PLPP3: variants seen among roughly 807,000 people sequenced by gnomAD.
PLPP3 encodes the protein phospholipid phosphatase 3.
In PLPP3, 6 loss-of-function variants were observed where a neutral mutation model predicts 29.6. The ratio of observed to expected loss-of-function variants is 0.20; its 90% CI spans 0.11 to 0.40. The LOEUF (loss-of-function observed/expected upper bound fraction) is 0.40. PLPP3 is among the 10% of genes least tolerant of loss of function. PLPP3 has a pLI of 1.00. For missense variants in PLPP3, 308 were observed against 407.7 expected, an observed-to-expected ratio of 0.76 and a Z score of 2.11; for synonymous variants, 152 against 159.7, an observed-to-expected ratio of 0.95 and a Z score of 0.36.
intron 1 of PLPP3, among the ~76,000 whole-genome samples, chr1:56,547,200 C>A (rs1646011695): frequency 6.6e-6 from 1 of 152,172 alleles, no homozygotes; most frequent in African/African-American, 2.4e-5. Flanking sequence ...AAATCTCCTG[C>A]ACTAGCTAAG....
chr1:56,533,202 A>G (rs2017953), intron 2 of PLPP3, among the ~76,000 whole-genome samples: 143,622 of 152,098 alleles, frequency 0.94, 68,378 homozygotes, highest in East Asian at 1. Flanking sequence ...TTACAGGCAC[A>G]TGCCACCAAG....
intron 1 of PLPP3, among the ~76,000 whole-genome samples, chr1:56,564,444 T>C (rs530754687): frequency 3.3e-5 from 5 of 152,198 alleles, no homozygotes; most frequent in Non-Finnish European, 5.9e-5. Context: ...AAAGAATATA[T>C]AAATTCAAAC....
chr1:56,498,434 G>A (rs1365550044), intron 5 of PLPP3, among the ~76,000 whole-genome samples: 1 of 151,184 alleles, frequency 6.6e-6, no homozygotes, highest in Non-Finnish European at 1.5e-5. Flanking sequence ...ACTCTTCTCC[G>A]CCCCAGGCCC....
intron 1 of PLPP3, among the ~76,000 whole-genome samples, chr1:56,547,620 G>C (rs1287266861): frequency 6.6e-6 from 1 of 152,122 alleles, no homozygotes; most frequent in Non-Finnish European, 1.5e-5. Flanking sequence ...GATACTATTA[G>C]AAAATACACT....
At position 56,579,258 on chromosome 1, in the gene PLPP3, T is replaced by G; in HGVS notation, c.-242A>C. The G allele has an allele frequency of 4.1e-6, 2 of 484,910 alleles. No homozygotes were observed. Among genetic ancestry groups the G allele is most frequent in the Admixed American group, 4.6e-5 (1 of 21,914 alleles). The allele number at this position is 484,910 out of a possible 1,614,324, so 30.0% of individuals were successfully genotyped here. A position where few individuals can be genotyped will look rare whatever the true frequency, so the allele number is the denominator to read the frequency against. The stretch of plus-strand genomic sequence containing the variant: ...CTGTCAACCCTAAATCGTTCTAAAG[T>G]CCAAGGGGAAGAGAGCCAGATCCCG... On this transcript the variant is annotated 5_prime_UTR_variant, in exon 1 of 6. Transcript: ENST00000371250.
At chr1:56,529,800 G>C (rs1645875684) in intron 2 of PLPP3, among the ~76,000 whole-genome samples, 1 of 152,110 alleles carries the variant, frequency 6.6e-6, no homozygotes, top group South Asian at 2.1e-4. Flanking sequence ...AGGTAATGAA[G>C]ACATAGATCT....
At chr1:56,527,399 CTT>C (rs1321293489) in intron 2 of PLPP3, among the ~76,000 whole-genome samples, 3 of 152,166 alleles carry the variant, frequency 2.0e-5, no homozygotes, top group Non-Finnish European at 2.9e-5. Flanking sequence ...GAGACAGTGA[CTT>C]TTCTGAAGGA....
intron 1 of PLPP3, among the ~76,000 whole-genome samples, chr1:56,573,574 C>A (rs961108031): frequency 2.6e-4 from 39 of 152,278 alleles, no homozygotes; most frequent in African/African-American, 9.4e-4. Context: ...AATCCCAGGT[C>A]CTGGCTCAAA....
At chr1:56,571,267 C>G (rs1646196265) in intron 1 of PLPP3, among the ~76,000 whole-genome samples, 1 of 152,208 alleles carries the variant, frequency 6.6e-6, no homozygotes, top group South Asian at 2.1e-4. Flanking sequence ...CAGCAACTAC[C>G]TCTTGAGTGT....
chr1:56,547,493 AT>A (rs1439895578), intron 1 of PLPP3, among the ~76,000 whole-genome samples: 4 of 152,162 alleles, frequency 2.6e-5, no homozygotes, highest in African/African-American at 9.7e-5. Context: ...AGAGTAGACA[AT>A]TCCATCAGGA....
chr1:56,532,151 C>T lies in PLPP3; in HGVS notation c.297+4804G>A, dbSNP rs79461639. On this transcript the variant is annotated intron_variant, in intron 2 of 5. Transcript: ENST00000371250. ...GGAACAGATGAAAATTTAGTGCACT[C>T]TCCATGCCTGTGTTGTTAAATCACA... is the stretch of plus-strand genomic sequence containing the variant. Among the ~76,000 whole-genome samples, 29 of 152,290 alleles carry T rather than the reference C, an allele frequency of 1.9e-4. No homozygotes were observed. In the East Asian group the frequency reaches 5.6e-3, roughly 29 times the overall value.
chr1:56,540,170 T>C (rs1050340400), intron 1 of PLPP3, among the ~76,000 whole-genome samples: 6 of 152,186 alleles, frequency 3.9e-5, no homozygotes, highest in Non-Finnish European at 4.4e-5. Flanking sequence ...ATCTGTTTAA[T>C]GGGAAGAATG....
Position 56,496,426 on chromosome 1 carries a change from TCC to T in PLPP3, c.*123_*124del. The T allele has an allele frequency of 2.7e-5, 34 of 1,242,416 alleles. No individual in the cohort carries two copies. The highest frequency in any genetic ancestry group is 4.7e-5 in the Admixed American group (2 of 42,290). 77.0% of individuals were successfully genotyped at this position (1,242,416 alleles called of 1,614,324 possible). A position where few individuals can be genotyped will look rare whatever the true frequency, so the allele number is the denominator to read the frequency against. ...GCCACATAGTAAAACATTTTTTTTT[TCC>T]TTTTTAAAAATCAGTCGGGCAAAAG... On this transcript the variant is annotated 3_prime_UTR_variant, in exon 6 of 6. Coordinates refer to ENST00000371250, the MANE Select transcript of PLPP3 (RefSeq NM_003713.5).
At chr1:56,572,445 C>T (rs1209497826) in intron 1 of PLPP3, among the ~76,000 whole-genome samples, 1 of 152,148 alleles carries the variant, frequency 6.6e-6, no homozygotes, top group African/African-American at 2.4e-5. Context: ...TGTCTAAATT[C>T]TCTCCCACCC....
At chr1:56,562,036 C>CAAAA (rs71048439) in intron 1 of PLPP3, among the ~76,000 whole-genome samples, 9 of 50,970 alleles carry the variant, frequency 1.8e-4, no homozygotes, top group African/African-American at 5.1e-4. Flanking sequence ...CTCCGTTTCA[C>CAAAA]AAAAAAAAAA....
At position 56,579,282 on chromosome 1, in the gene PLPP3, C is replaced by A; in HGVS notation, c.-266G>T. The A allele has an allele frequency of 2.3e-6, 1 of 428,488 alleles. No individual in the cohort carries two copies. Among genetic ancestry groups the A allele is most frequent in the Admixed American group, 4.9e-5 (1 of 20,456 alleles). 26.5% of individuals were successfully genotyped at this position (428,488 alleles called of 1,614,324 possible). On this transcript the variant is annotated 5_prime_UTR_variant, in exon 1 of 6. Coordinates refer to ENST00000371250, the MANE Select transcript of PLPP3 (RefSeq NM_003713.5). ...GTCCAAGGGGAAGAGAGCCAGATCC[C>A]GAGCAGAAACTTTTGCAGAGCTGCG... is the stretch of plus-strand genomic sequence containing the variant.
chr1:56,558,865 T>C (rs189665491), intron 1 of PLPP3, among the ~76,000 whole-genome samples: 8 of 152,362 alleles, frequency 5.3e-5, no homozygotes, highest in African/African-American at 1.9e-4. Flanking sequence ...TCTCTTCATC[T>C]TTCCTCCTAT....
intron 5 of PLPP3, among the ~76,000 whole-genome samples, chr1:56,510,482 C>T (rs546510037): frequency 6.6e-6 from 1 of 152,366 alleles, no homozygotes; most frequent in East Asian, 1.9e-4. Flanking sequence ...TCGTGGTGCC[C>T]ACTCTGATTG....
chr1:56,574,729 C>T (rs1386658367), intron 1 of PLPP3, among the ~76,000 whole-genome samples: 1 of 152,120 alleles, frequency 6.6e-6, no homozygotes, highest in Non-Finnish European at 1.5e-5. Context: ...TGCTTACCTC[C>T]CCTCCAGAAT....
Sources: allele counts gnomAD v4.1 joint callset (sites outside exome capture counted in the v4.1 genomes callset), GRCh38; gene constraint gnomAD v4.1.1; transcripts MANE v1.5; gene names NCBI Gene and HGNC (gene_info 2026-07-23, HGNC 2026-07-21).